Variants in SEPTIN9 observed in about 807,000 individuals in gnomAD.
The protein encoded by SEPTIN9 is septin 9.
Under a neutral mutation model 56.6 loss-of-function variants are expected in SEPTIN9, and 13 were observed. The observed-to-expected ratio is 0.23, with a 90% CI of 0.15 to 0.37. The LOEUF (loss-of-function observed/expected upper bound fraction) is 0.37, where lower values mean the gene tolerates loss of function less well. Ranked by LOEUF, SEPTIN9 falls within the 10% of genes least tolerant of loss-of-function variation. The probability of loss-of-function intolerance (pLI) is 1.00; values close to 1 mark genes in which losing one functional copy is unlikely to be tolerated. For missense variants in SEPTIN9, 650 were observed against 823.1 expected (o/e 0.79, Z 2.57); for synonymous variants, 332 against 334.1 (o/e 0.99, Z 0.07).
In SEPTIN9 at chr17:77,403,414, A is replaced by C. The variant is rs374010195; in HGVS notation, c.721+711A>C. 3.3e-5 allele frequency among the ~76,000 whole-genome samples: 5 copies of C among 152,296 alleles called. 1 individual carries two copies. Among genetic ancestry groups the C allele is most frequent in the African/African-American group, 2.4e-5 (1 of 41,562 alleles). Reference sequence around the variant, plus strand: ...GGGTGCCCTTCTGGCGAGAGGAGAGAGGCCATGGGGCTCCAGCAGCGTCCT... The same window carrying C: ...GGGTGCCCTTCTGGCGAGAGGAGAGCGGCCATGGGGCTCCAGCAGCGTCCT... On this transcript the variant is annotated intron_variant, in intron 3 of 11. Coordinates refer to ENST00000427177, the MANE Select transcript of SEPTIN9 (RefSeq NM_001113491.2).
chr17:77,316,516 C>T (rs1295642423), intron 2 of SEPTIN9, among the ~76,000 whole-genome samples: 6 of 152,208 alleles, frequency 3.9e-5, no homozygotes, highest in African/African-American at 1.4e-4. Context: ...ATAGTGTGCA[C>T]AGCGTGCAGG....
At chr17:77,340,204 G>A (rs1175553116) in intron 2 of SEPTIN9, among the ~76,000 whole-genome samples, 2 of 149,776 alleles carry the variant, frequency 1.3e-5, no homozygotes, top group African/African-American at 2.5e-5. Flanking sequence ...ACAGTGGCAC[G>A]ATCTCGGCTC....
At chr17:77,306,399 C>T (rs2032266706) in intron 1 of SEPTIN9, among the ~76,000 whole-genome samples, 1 of 152,230 alleles carries the variant, frequency 6.6e-6, no homozygotes, top group Non-Finnish European at 1.5e-5. Context: ...GCCGCTCCTC[C>T]TGGCAGCCTT....
At chr17:77,431,482 C>T (rs978981363) in intron 3 of SEPTIN9, among the ~76,000 whole-genome samples, 1 of 152,156 alleles carries the variant, frequency 6.6e-6, no homozygotes, top group African/African-American at 2.4e-5. Flanking sequence ...TCTTTTTCTA[C>T]ATAGACACTC....
At chr17:77,486,515 TGTGTGTGCGC>T (rs2039790756) in intron 4 of SEPTIN9, among the ~76,000 whole-genome samples, 1 of 103,562 alleles carries the variant, frequency 9.7e-6, no homozygotes, top group African/African-American at 4.6e-5. Flanking sequence ...TGTGTGTGTG[TGTGTGTGCGC>T]GCACGCGCGC....
intron 3 of SEPTIN9, among the ~76,000 whole-genome samples, chr17:77,480,860 G>C (rs1598441759): frequency 6.6e-6 from 1 of 152,320 alleles, no homozygotes; most frequent in East Asian, 1.9e-4. Flanking sequence ...AGGCAGAGCA[G>C]GGCCTGGATG....
intron 3 of SEPTIN9, among the ~76,000 whole-genome samples, chr17:77,481,351 A>C (rs1187428334): frequency 7.2e-5 from 11 of 152,196 alleles, no homozygotes; most frequent in African/African-American, 2.2e-4. Flanking sequence ...CTGGCCAGGC[A>C]CACAAGACGG....
chr17:77,396,660 G>T (rs1446071972), intron 2 of SEPTIN9, among the ~76,000 whole-genome samples: 2 of 152,160 alleles, frequency 1.3e-5, no homozygotes, highest in Non-Finnish European at 2.9e-5. Context: ...GGGAGGAGAT[G>T]CTGGGGAGCC....
intron 2 of SEPTIN9, among the ~76,000 whole-genome samples, chr17:77,357,963 C>T (rs559960370): frequency 8.5e-5 from 13 of 152,170 alleles, no homozygotes; most frequent in African/African-American, 2.4e-4. Context: ...TCCTATGAAA[C>T]GAGGGCGTTA....
At chr17:77,353,623 A>T (rs2034129018) in intron 2 of SEPTIN9, among the ~76,000 whole-genome samples, 1 of 152,100 alleles carries the variant, frequency 6.6e-6, no homozygotes, top group African/African-American at 2.4e-5. Flanking sequence ...TATTGGGGAT[A>T]TGTCTACTAG....
intron 2 of SEPTIN9, chr17:77,373,447 G>T: frequency 6.7e-7 from 1 of 1,486,332 alleles, no homozygotes; most frequent in Non-Finnish European, 9.0e-7. Flanking sequence ...GCCCCGCCGG[G>T]GGCGCTTCCT....
rs544316681 is a variant in SEPTIN9 at position 77,317,024 on chromosome 17, A to G, written c.76+9827A>G. Among the ~76,000 whole-genome samples the G allele has an allele frequency of 2.6e-5, 4 of 152,382 alleles. No individual in the cohort carries two copies. In the South Asian group the frequency reaches 8.3e-4, roughly 32 times the overall value. On this transcript the variant is annotated intron_variant, in intron 2 of 11. Transcript: ENST00000427177. This position sits in a 1 kb window ranked among gnomAD's most constrained non-coding sequence, Gnocchi z 4.2. ...CAAGAAACCTCTGCGATTCCTGCCC[A>G]TCGGAGTCAGTGGTTGTTAGTGGTT... is the stretch of plus-strand genomic sequence containing the variant.
At chr17:77,302,639 C>T (rs534269328) in intron 1 of SEPTIN9, among the ~76,000 whole-genome samples, 30 of 152,286 alleles carry the variant, frequency 2.0e-4, no homozygotes, top group Admixed American at 6.5e-4. Flanking sequence ...GTTGGTGCCA[C>T]TGCACTCCAG....
chr17:77,436,982 C>T lies in SEPTIN9; in HGVS notation c.721+34279C>T, dbSNP rs2037365899. ...AGATTCACGCGATTGTGCAGATCAC[C>T]TGGCCTCACTCCCTCGGTTTACAGT... On this transcript the variant is annotated intron_variant, in intron 3 of 11. Transcript: ENST00000427177. The surrounding 1 kb of genome is among the most constrained non-coding windows in gnomAD (Gnocchi z 4.4). Among the ~76,000 whole-genome samples, 1 of 152,220 alleles carries T rather than the reference C, an allele frequency of 6.6e-6. No individual in the cohort carries two copies. The highest frequency in any genetic ancestry group is 2.1e-4 in the South Asian group (1 of 4,834).
At chr17:77,482,703 T>TCCCCACCGCA (rs529264216) in intron 4 of SEPTIN9, 2 of 579,382 alleles carry the variant, frequency 3.5e-6, no homozygotes, top group East Asian at 3.1e-5. Flanking sequence ...CCCTCCAGGC[T>TCCCCACCGCA]CCCCACCGCA....
At chr17:77,488,972 T>C (rs1248782618) in intron 7 of SEPTIN9, 108 bp downstream of exon 7, 17 of 1,427,582 alleles carry the variant, frequency 1.2e-5, no homozygotes, top group Non-Finnish European at 1.4e-5. Context: ...GCAGAGGGGC[T>C]GAGTCAGGGG....
chr17:77,335,166 G>A (rs113078936), intron 2 of SEPTIN9, among the ~76,000 whole-genome samples: 11 of 149,800 alleles, frequency 7.3e-5, no homozygotes, highest in African/African-American at 2.5e-4. Flanking sequence ...CTGTATATGT[G>A]GTCCTATATT....
intron 2 of SEPTIN9, among the ~76,000 whole-genome samples, chr17:77,390,220 G>A (rs985143464): frequency 9.2e-5 from 14 of 151,500 alleles, no homozygotes; most frequent in Non-Finnish European, 2.1e-4. Context: ...CCAGGCAGGC[G>A]CCCGTAGTCC....
In SEPTIN9 at chr17:77,319,600, G is replaced by T. The variant is rs1362477353; in HGVS notation, c.76+12403G>T. 144 of 1,060,952 alleles carry T rather than the reference G, an allele frequency of 1.4e-4. No homozygotes were observed. The highest frequency in any genetic ancestry group is 1.6e-4 in the Non-Finnish European group (141 of 876,694). 65.7% of individuals were successfully genotyped at this position (1,060,952 alleles called of 1,614,324 possible). On this transcript the variant is annotated intron_variant, in intron 2 of 11. Coordinates refer to ENST00000427177, the MANE Select transcript of SEPTIN9 (RefSeq NM_001113491.2). The surrounding 1 kb of genome is among the most constrained non-coding windows in gnomAD (Gnocchi z 5.3). ...GCAGGTGCTCCGGAACCTTTTCTCAGCACGCTGGCCTGGGGCACGGCCGTT... is the reference window on the plus strand; with the variant it reads ...GCAGGTGCTCCGGAACCTTTTCTCATCACGCTGGCCTGGGGCACGGCCGTT...
Sources: allele counts gnomAD v4.1 joint callset (sites outside exome capture counted in the v4.1 genomes callset), GRCh38; gene constraint gnomAD v4.1.1; non-coding constraint Gnocchi (gnomAD v3.1); transcripts MANE v1.5; gene names NCBI Gene and HGNC (gene_info 2026-07-23, HGNC 2026-07-21).